The following CHRM2 variants were observed in gnomAD, a reference collection of about 807,000 sequenced individuals.
The protein encoded by CHRM2 is cholinergic receptor muscarinic 2, also known as muscarinic acetylcholine receptor M2.
A neutral mutation model predicts 25.0 loss-of-function variants in CHRM2; 8 were observed. The observed-to-expected ratio is 0.32, with a 90% CI of 0.19 to 0.58. The LOEUF is 0.58. Among genes scored for constraint, CHRM2 ranks in the 20% least tolerant of loss-of-function variants. CHRM2 has a pLI of 0.88. For synonymous variants in CHRM2, 202 were observed against 205.7 expected (o/e 0.98, Z 0.15); for missense variants, 440 against 567.1 (o/e 0.78, Z 2.28).
chr7:136,886,598 G>A (rs1469477487), intron 2 of CHRM2, among the ~76,000 whole-genome samples: 1 of 152,162 alleles, frequency 6.6e-6, no homozygotes, highest in Admixed American at 6.5e-5. Flanking sequence ...CAGGCACAGT[G>A]GCTCATGTCT....
At chr7:136,967,450 T>C (rs765034448) in intron 2 of CHRM2, among the ~76,000 whole-genome samples, 3 of 152,006 alleles carry the variant, frequency 2.0e-5, no homozygotes, top group Admixed American at 6.6e-5. Flanking sequence ...TATGGAAAAA[T>C]AAACAAATTA....
intron 2 of CHRM2, among the ~76,000 whole-genome samples, chr7:136,873,503 A>AT (rs1795924001): frequency 6.6e-6 from 1 of 152,106 alleles, no homozygotes; most frequent in Non-Finnish European, 1.5e-5. Context: ...ACAGCAATCA[A>AT]TTTTCTCATT....
intron 2 of CHRM2, among the ~76,000 whole-genome samples, chr7:136,912,155 T>G (rs910330369): frequency 1.3e-5 from 2 of 151,916 alleles, no homozygotes; most frequent in Non-Finnish European, 2.9e-5. Context: ...AATTGAAAGT[T>G]TCTAACCCCT....
In CHRM2 at chr7:137,011,215, G is replaced by GTGTGTGTATATATATATATA; in HGVS notation, c.-46-3604_-46-3603insGTGTGTATATATATATATAT. On this transcript the variant is annotated intron_variant, in intron 3 of 3. Transcript: ENST00000680005. ...TGTACGTGTGTGTGTGTGTGTGTGT[G>GTGTGTGTATATATATATATA]TATATATATATATATATATGGATTT... is the stretch of plus-strand genomic sequence containing the variant. Among the ~76,000 whole-genome samples, 9 of 134,332 alleles carry GTGTGTGTATATATATATATA rather than the reference G, an allele frequency of 6.7e-5. No homozygotes were observed. In the East Asian group the frequency reaches 1.4e-3, roughly 21 times the overall value. 88.1% of individuals were successfully genotyped at this position (134,332 alleles called of 152,430 possible). A position where few individuals can be genotyped will look rare whatever the true frequency, so the allele number is the denominator to read the frequency against.
At chr7:136,976,668 G>C (rs1338714718) in intron 2 of CHRM2, among the ~76,000 whole-genome samples, 2 of 152,154 alleles carry the variant, frequency 1.3e-5, no homozygotes. Flanking sequence ...TCAGGTCTGA[G>C]CTTTTGAGGG....
chr7:136,882,112 T>C (rs983686102), intron 2 of CHRM2, among the ~76,000 whole-genome samples: 29 of 152,046 alleles, frequency 1.9e-4, no homozygotes, highest in Admixed American at 6.6e-5. Context: ...CTCTATCCTC[T>C]GCCTTTAGGA....
At chr7:137,014,728 G>T in intron 3 of CHRM2, 92 bp from the exon 4 acceptor site, 1 of 830,616 alleles carries the variant, frequency 1.2e-6, no homozygotes, top group South Asian at 1.7e-5. Flanking sequence ...AGATTTGGGA[G>T]AAAATAATGT....
intron 2 of CHRM2, among the ~76,000 whole-genome samples, chr7:136,950,321 T>C (rs941900802): frequency 6.6e-6 from 1 of 152,004 alleles, no homozygotes; most frequent in Non-Finnish European, 1.5e-5. Flanking sequence ...TGTAGGACAA[T>C]AGAGATACAA....
chr7:137,011,678 T>G (rs1222830127), intron 3 of CHRM2, among the ~76,000 whole-genome samples: 1 of 152,042 alleles, frequency 6.6e-6, no homozygotes, highest in Admixed American at 6.6e-5. Flanking sequence ...AGGTATTCCT[T>G]AATTCTGCCA....
chr7:136,935,160 A>G lies in CHRM2; in HGVS notation c.-124-57027A>G, dbSNP rs147349178. On this transcript the variant is annotated intron_variant, in intron 2 of 3. Transcript: ENST00000680005. ...GGAAATTGCAGATTTTTGCTCTACC[A>G]TATATTAAGACTCACCATGAAGTTA... Among the ~76,000 whole-genome samples, 440 of 152,294 alleles carry G rather than the reference A, an allele frequency of 2.9e-3. 2 individuals are homozygous for G. The highest frequency in any genetic ancestry group is 0.01 in the African/African-American group (427 of 41,582).
At chr7:137,003,002 G>T (rs1471910841) in intron 3 of CHRM2, among the ~76,000 whole-genome samples, 1 of 152,096 alleles carries the variant, frequency 6.6e-6, no homozygotes, top group South Asian at 2.1e-4. Context: ...ATGTGGAAAG[G>T]GGGTCAACAA....
chr7:136,966,307 G>T (rs531767037), intron 2 of CHRM2, among the ~76,000 whole-genome samples: 2 of 151,534 alleles, frequency 1.3e-5, no homozygotes, highest in Admixed American at 6.6e-5. Context: ...TGTCTTATTT[G>T]CTTCATTTTT....
chr7:136,953,923 T>G (rs1800565557), intron 2 of CHRM2, among the ~76,000 whole-genome samples: 1 of 152,004 alleles, frequency 6.6e-6, no homozygotes, highest in Non-Finnish European at 1.5e-5. Flanking sequence ...GCACATGCAT[T>G]AGGACATTTT....
At chr7:136,921,565 C>T (rs940754058) in intron 2 of CHRM2, among the ~76,000 whole-genome samples, 7 of 152,068 alleles carry the variant, frequency 4.6e-5, no homozygotes, top group African/African-American at 7.2e-5. Context: ...TAGTTCCCTT[C>T]TTTCTGCAAT....
chr7:136,987,691 G>A (rs889035801), intron 2 of CHRM2, among the ~76,000 whole-genome samples: 2 of 152,182 alleles, frequency 1.3e-5, no homozygotes, highest in African/African-American at 4.8e-5. Flanking sequence ...AGGCAAGGAT[G>A]CGTCAGTCGG....
At chr7:136,890,873 ATATG>A (rs1413719682) in intron 2 of CHRM2, among the ~76,000 whole-genome samples, 5 of 152,040 alleles carry the variant, frequency 3.3e-5, no homozygotes, top group African/African-American at 7.2e-5. Context: ...ATGTTTGTAT[ATATG>A]TGTATGTGTG....
At chr7:136,935,763 C>T (rs966740523) in intron 2 of CHRM2, among the ~76,000 whole-genome samples, 15 of 152,044 alleles carry the variant, frequency 9.9e-5, no homozygotes, top group African/African-American at 3.6e-4. Context: ...GGAAGTGTTC[C>T]CATCCTCTGA....
chr7:136,883,677 G>T (rs1356509515), intron 2 of CHRM2, among the ~76,000 whole-genome samples: 1 of 152,002 alleles, frequency 6.6e-6, no homozygotes, highest in Non-Finnish European at 1.5e-5. Context: ...TATTCTTTCT[G>T]GTTTGTGTGG....
intron 2 of CHRM2, among the ~76,000 whole-genome samples, chr7:136,895,196 A>C (rs1042074870): frequency 5.3e-5 from 8 of 152,194 alleles, no homozygotes; most frequent in Non-Finnish European, 7.3e-5. Flanking sequence ...TCTGTGTAGA[A>C]ATACAAAACT....
Sources: gnomAD v4.1 joint callset for allele counts (sites outside exome capture counted in the v4.1 genomes callset) on GRCh38, gnomAD v4.1.1 for gene constraint, MANE v1.5 for transcripts, NCBI Gene and HGNC (gene_info 2026-07-23, HGNC 2026-07-21) for gene names.